The following TSHZ2 variants were observed in gnomAD, a reference collection of about 807,000 sequenced individuals.
TSHZ2 encodes the protein teashirt zinc finger homeobox 2, also known as teashirt homolog 2.
Under a neutral mutation model 74.4 loss-of-function variants are expected in TSHZ2, and 21 were observed. The ratio of observed to expected loss-of-function variants is 0.28; its 90% CI spans 0.20 to 0.41. TSHZ2 has a LOEUF of 0.41. Ranked by LOEUF, TSHZ2 falls within the 10% of genes least tolerant of loss-of-function variation. The pLI is 1.00. For synonymous variants in TSHZ2, 540 were observed against 515.3 expected (o/e 1.05, Z -0.65); for missense variants, 1,244 against 1,293.5 (o/e 0.96, Z 0.59).
At chr20:53,410,775 C>T (rs1983028907) in intron 2 of TSHZ2, among the ~76,000 whole-genome samples, 1 of 151,436 alleles carries the variant, frequency 6.6e-6, no homozygotes, top group Non-Finnish European at 1.5e-5. Flanking sequence ...TCCCAAGTTC[C>T]AGTGATTCTC....
chr20:53,429,939 G>A (rs1048818599), intron 2 of TSHZ2, among the ~76,000 whole-genome samples: 1 of 152,094 alleles, frequency 6.6e-6, no homozygotes, highest in African/African-American at 2.4e-5. Context: ...CAGTATCCTT[G>A]GTCCTCATCT....
intron 2 of TSHZ2, among the ~76,000 whole-genome samples, chr20:53,260,032 T>C (rs1163461430): frequency 6.6e-6 from 1 of 151,982 alleles, no homozygotes; most frequent in African/African-American, 2.4e-5. Context: ...CCTTCATTCC[T>C]TCCTCTTTCC....
chr20:53,060,707 A>G (rs1289645707), intron 1 of TSHZ2, among the ~76,000 whole-genome samples: 2 of 152,238 alleles, frequency 1.3e-5, no homozygotes, highest in Non-Finnish European at 2.9e-5. Flanking sequence ...TCCTGAATAG[A>G]AGGAAGAGTG....
chr20:53,424,535 G>A (rs1765514000), intron 2 of TSHZ2, among the ~76,000 whole-genome samples: 1 of 152,032 alleles, frequency 6.6e-6, no homozygotes, highest in Admixed American at 6.5e-5. Context: ...GGCACATATG[G>A]CAGGAAGAAA....
chr20:53,183,217 T>G (rs1358685640), intron 1 of TSHZ2, among the ~76,000 whole-genome samples: 1 of 152,178 alleles, frequency 6.6e-6, no homozygotes, highest in Non-Finnish European at 1.5e-5. Context: ...TCAAAGGATA[T>G]TACGGGCAAA....
At chr20:53,023,625 TTTTTTGCTTTTTG>T (rs201063620) in intron 1 of TSHZ2, among the ~76,000 whole-genome samples, 95,608 of 149,142 alleles carry the variant, frequency 0.64, 30,876 homozygotes, top group Non-Finnish European at 0.69. Flanking sequence ...TTTTGTTTTT[TTTTTTGCTTTTTG>T]TTTTTTATGA....
chr20:53,481,503 G>A (rs1255271930), intron 2 of TSHZ2, among the ~76,000 whole-genome samples: 1 of 151,962 alleles, frequency 6.6e-6, no homozygotes, highest in East Asian at 1.9e-4. Context: ...GAGCCCAGGA[G>A]GCAGAGGTTG....
At chr20:53,085,466 G>C (rs979805494) in intron 1 of TSHZ2, among the ~76,000 whole-genome samples, 3 of 152,184 alleles carry the variant, frequency 2.0e-5, no homozygotes, top group Non-Finnish European at 4.4e-5. Flanking sequence ...TGACCAGGCT[G>C]TCAGTGGGGA....
intron 2 of TSHZ2, among the ~76,000 whole-genome samples, chr20:53,350,514 G>C (rs1235765786): frequency 6.6e-6 from 1 of 152,196 alleles, no homozygotes; most frequent in Admixed American, 6.5e-5. Context: ...TGTCACATGA[G>C]AGAATACCAA....
In TSHZ2 at chr20:53,340,184, C is replaced by CTTTTTTTTTTTTTTTTTTTTTTTTTTT. The variant is rs557613827; in HGVS notation, c.*8+83629_*8+83630insTTTTTTTTTTTTTTTTTTTTTTTTTTT. On this transcript the variant is annotated intron_variant, in intron 2 of 2. Coordinates refer to ENST00000371497, the MANE Select transcript of TSHZ2 (RefSeq NM_173485.6). Reference sequence around the variant, plus strand: ...ACAAGGTGACTTTTCTTTCTTTTTTCTTTTTTTTTTTTTTTTGAGATGGAG... The same window carrying CTTTTTTTTTTTTTTTTTTTTTTTTTTT: ...ACAAGGTGACTTTTCTTTCTTTTTTCTTTTTTTTTTTTTTTTTTTTTTTTTTTTTTTTTTTTTTTTTTTGAGATGGAG... Among the ~76,000 whole-genome samples the CTTTTTTTTTTTTTTTTTTTTTTTTTTT allele has an allele frequency of 4.6e-5, 5 of 109,870 alleles. 2 individuals carry two copies. The highest frequency in any genetic ancestry group is 6.6e-4 in the South Asian group (2 of 3,034). 72.1% of individuals were successfully genotyped at this position (109,870 alleles called of 152,430 possible).
At chr20:53,069,995 C>T (rs895805369) in intron 1 of TSHZ2, among the ~76,000 whole-genome samples, 6 of 152,092 alleles carry the variant, frequency 3.9e-5, no homozygotes, top group African/African-American at 1.4e-4. Context: ...TTAGTATGCA[C>T]CTCTGAGCCA....
chr20:53,429,545 C>A (rs1305630687), intron 2 of TSHZ2, among the ~76,000 whole-genome samples: 4 of 152,168 alleles, frequency 2.6e-5, no homozygotes, highest in Non-Finnish European at 5.9e-5. Flanking sequence ...GTGAGACATG[C>A]CTTTCACCTT....
intron 2 of TSHZ2, among the ~76,000 whole-genome samples, chr20:53,326,577 C>G (rs1979503018): frequency 6.6e-6 from 1 of 152,174 alleles, no homozygotes; most frequent in Admixed American, 6.5e-5. Context: ...GAAAGCCCCC[C>G]CGGCAACCAC....
chr20:53,100,796 C>T (rs115504568), intron 1 of TSHZ2, among the ~76,000 whole-genome samples: 151 of 152,332 alleles, frequency 9.9e-4, no homozygotes, highest in African/African-American at 3.3e-3. Context: ...ACACACTCCT[C>T]GCTTAAGGCA....
chr20:53,424,568 T>A lies in TSHZ2; in HGVS notation c.*9-62576T>A, dbSNP rs553260041. 2.0e-5 allele frequency among the ~76,000 whole-genome samples: 3 copies of A among 152,234 alleles called. No homozygotes were observed. In the East Asian group the frequency reaches 5.8e-4, roughly 29 times the overall value. On this transcript the variant is annotated intron_variant, in intron 2 of 2. Transcript: ENST00000371497. ...AAATATTGACCAACCTCTTTTTTTT[T>A]TAAATTTTTTTAATTTCTGGGGTAC... is the stretch of plus-strand genomic sequence containing the variant.
intron 1 of TSHZ2, among the ~76,000 whole-genome samples, chr20:53,045,943 G>A (rs1039914549): frequency 2.6e-5 from 4 of 152,186 alleles, no homozygotes; most frequent in African/African-American, 9.7e-5. Context: ...ATATTGACCA[G>A]CTCTGCTCCT....
At chr20:53,150,048 C>G (rs751562281) in intron 1 of TSHZ2, among the ~76,000 whole-genome samples, 2 of 152,132 alleles carry the variant, frequency 1.3e-5, no homozygotes, top group Admixed American at 6.5e-5. Context: ...GCCTATGTGC[C>G]GGACACTGCG....
At chr20:53,425,634 T>A (rs1017219225) in intron 2 of TSHZ2, among the ~76,000 whole-genome samples, 2 of 152,192 alleles carry the variant, frequency 1.3e-5, no homozygotes, top group African/African-American at 4.8e-5. Flanking sequence ...ACATTTCAGG[T>A]CTTGCAGGTG....
intron 2 of TSHZ2, among the ~76,000 whole-genome samples, chr20:53,428,150 A>C (rs1983721683): frequency 6.6e-6 from 1 of 152,222 alleles, no homozygotes. Context: ...GTGGAGGAGA[A>C]GTATCTGTTA....
Sources: allele counts gnomAD v4.1 joint callset (sites outside exome capture counted in the v4.1 genomes callset), GRCh38; gene constraint gnomAD v4.1.1; transcripts MANE v1.5; gene names NCBI Gene and HGNC (gene_info 2026-07-23, HGNC 2026-07-21).